The following GALNT9 variants were observed in gnomAD, a reference collection of about 807,000 sequenced individuals.
GALNT9 encodes polypeptide N-acetylgalactosaminyltransferase 9.
A neutral mutation model predicts 63.1 loss-of-function variants in GALNT9; 47 were observed. The observed-to-expected ratio is 0.75, with a 90% CI of 0.59 to 0.95. The LOEUF (loss-of-function observed/expected upper bound fraction) is 0.95, where lower values mean the gene tolerates loss of function less well. Among genes scored for constraint, GALNT9 ranks in the 40% least tolerant of loss-of-function variants. GALNT9 has a pLI of 0.00. For synonymous variants in GALNT9, 396 were observed against 365.7 expected (o/e 1.08, Z -0.94); for missense variants, 829 against 874.8 (o/e 0.95, Z 0.66).
At chr12:132,198,066 G>T (rs1218606651) in intron 9 of GALNT9, 107 bp from the exon 10 acceptor site, 2 of 947,218 alleles carry the variant, frequency 2.1e-6, no homozygotes, top group African/African-American at 3.3e-5. Flanking sequence ...GGCCCTGCGC[G>T]GCTGCCTTGG....
chr12:132,205,208 T>A (rs1342292925), intron 6 of GALNT9, among the ~76,000 whole-genome samples: 3 of 151,932 alleles, frequency 2.0e-5, no homozygotes, highest in Non-Finnish European at 4.4e-5. Flanking sequence ...CCTAGCTGCA[T>A]CCTCCGGGGG....
Position 132,294,783 on chromosome 12 carries a change from A to T in GALNT9, c.239-8353T>A, listed in dbSNP as rs573005507. ...AGTCACGTTCCCTGGAGCGGGAGGG[A>T]TCTGTTAATAGCTCTGAAAAGTGAA... On this transcript the variant is annotated intron_variant, in intron 1 of 10. Coordinates refer to ENST00000328957, the MANE Select transcript of GALNT9 (RefSeq NM_001122636.2). 2.8e-5 allele frequency among the ~76,000 whole-genome samples: 4 copies of T among 141,062 alleles called. No individual in the cohort carries two copies. In the East Asian group the frequency reaches 6.3e-4, roughly 22 times the overall value. 92.5% of individuals were successfully genotyped at this position (141,062 alleles called of 152,430 possible). A position where few individuals can be genotyped will look rare whatever the true frequency, so the allele number is the denominator to read the frequency against.
chr12:132,308,568 G>C (rs1218036888), intron 1 of GALNT9, among the ~76,000 whole-genome samples: 1 of 152,174 alleles, frequency 6.6e-6, no homozygotes, highest in Non-Finnish European at 1.5e-5. Context: ...CGAACGCAGG[G>C]TGGGCCGGGG....
rs758487951 is a variant in GALNT9 at position 132,310,935 on chromosome 12, A to G, written c.238+18031T>C. Among the ~76,000 whole-genome samples the G allele has an allele frequency of 2.0e-5, 3 of 152,162 alleles. No individual in the cohort carries two copies. Among genetic ancestry groups the G allele is most frequent in the Non-Finnish European group, 4.4e-5 (3 of 68,014 alleles). On this transcript the variant is annotated intron_variant, in intron 1 of 10. Transcript: ENST00000328957. This position sits in a 1 kb window ranked among gnomAD's most constrained non-coding sequence, Gnocchi z 4.8. Reference sequence around the variant, plus strand: ...CCCACTCTCCCTGGGCACACGGTTCAGGGCACCCGCTCTCCCTGGGCATGT... The same window carrying G: ...CCCACTCTCCCTGGGCACACGGTTCGGGGCACCCGCTCTCCCTGGGCATGT...
rs185299696 is a variant in GALNT9 at position 132,316,321 on chromosome 12, A to G, written c.238+12645T>C. ...TTCCCCAGCCCGACCCCACGTCCCCATTTCACGATGCATTTTTATGCCCCT... is the reference window on the plus strand; with the variant it reads ...TTCCCCAGCCCGACCCCACGTCCCCGTTTCACGATGCATTTTTATGCCCCT... On this transcript the variant is annotated intron_variant, in intron 1 of 10. Transcript: ENST00000328957. This position sits in a 1 kb window ranked among gnomAD's most constrained non-coding sequence, Gnocchi z 4.3. 6.6e-5 allele frequency among the ~76,000 whole-genome samples: 10 copies of G among 152,106 alleles called. No individual in the cohort carries two copies. The highest frequency in any genetic ancestry group is 2.4e-4 in the African/African-American group (10 of 41,486).
chr12:132,268,841 G>C (rs1194602318), intron 2 of GALNT9, among the ~76,000 whole-genome samples: 4 of 152,218 alleles, frequency 2.6e-5, no homozygotes, highest in Non-Finnish European at 5.9e-5. Context: ...CCGCTGTCTG[G>C]CTACCGGAAA....
At chr12:132,199,407 C>G (rs573876053) in intron 8 of GALNT9, 138 bp from the exon 9 acceptor site, 2 of 629,378 alleles carry the variant, frequency 3.2e-6, no homozygotes, top group Non-Finnish European at 5.6e-6. Context: ...ATGCTCTGGC[C>G]GGGTGGGCTG....
Position 132,203,628 on chromosome 12 carries a change from G to A in GALNT9, c.1140C>T (p.Arg380=). 2 of 1,613,892 alleles carry A rather than the reference G, an allele frequency of 1.2e-6. No individual in the cohort carries two copies. The highest frequency in any genetic ancestry group is 1.7e-6 in the Non-Finnish European group (2 of 1,179,832). The part of the protein sequence containing the change: ...LPCSRVAHIE[R]TRKPYNNDID... ...TGTCGTTGTTGTAGGGCTTCCTGGT[G>A]CGCTCGATGTGGGCCACGCGGGAGC... The change falls in exon 7 of 11, where the codon CGC becomes CGT. Residue 380 remains arginine (R), a synonymous_variant. Transcript: ENST00000328957.
At chr12:132,257,942 A>G (rs1332736485) in intron 4 of GALNT9, 56 bp from the exon 5 acceptor site, 2 of 1,244,914 alleles carry the variant, frequency 1.6e-6, no homozygotes, top group East Asian at 2.5e-5. Context: ...TTCCCTGAGG[A>G]GGGTCCACTC....
intron 1 of GALNT9, among the ~76,000 whole-genome samples, chr12:132,305,814 G>A (rs1555244593): frequency 6.6e-6 from 1 of 152,232 alleles, no homozygotes. Flanking sequence ...CGCGGCCCGA[G>A]TGCAGATGTG....
At chr12:132,263,681 G>A (rs943352899) in intron 2 of GALNT9, among the ~76,000 whole-genome samples, 1 of 152,196 alleles carries the variant, frequency 6.6e-6, no homozygotes, top group African/African-American at 2.4e-5. Context: ...CCCATTGACA[G>A]CTCTATACCA....
rs145377101 is a variant in GALNT9 at position 132,319,463 on chromosome 12, T to C, written c.238+9503A>G. 1.3e-5 allele frequency among the ~76,000 whole-genome samples: 2 copies of C among 152,226 alleles called. No individual in the cohort carries two copies. The highest frequency in any genetic ancestry group is 2.9e-5 in the Non-Finnish European group (2 of 68,000). ...AGCGTGACCCTGGCTCTTAGGTCTC[T>C]GCACTCAGGCCAAAGGACCCCACCC... On this transcript the variant is annotated intron_variant, in intron 1 of 10. Coordinates refer to ENST00000328957, the MANE Select transcript of GALNT9 (RefSeq NM_001122636.2). This position sits in a 1 kb window ranked among gnomAD's most constrained non-coding sequence, Gnocchi z 5.2.
chr12:132,264,741 G>A (rs1879535204), intron 2 of GALNT9, among the ~76,000 whole-genome samples: 1 of 152,230 alleles, frequency 6.6e-6, no homozygotes, highest in Admixed American at 6.5e-5. Flanking sequence ...GAGGAAATAG[G>A]GCACTCAGAT....
At position 132,225,174 on chromosome 12, in the gene GALNT9, A is replaced by T. The variant is rs888383124; in HGVS notation, c.1078-21484T>A. ...TACACACCCTACACACATACCACAC[A>T]ACCCACACACTGTACATACACANCC... On this transcript the variant is annotated intron_variant, in intron 6 of 10. Transcript: ENST00000328957. Among the ~76,000 whole-genome samples the T allele has an allele frequency of 7.6e-5, 11 of 144,064 alleles. 1 individual carries two copies. Among genetic ancestry groups the T allele is most frequent in the Admixed American group, 6.2e-4 (9 of 14,450 alleles). 94.5% of individuals were successfully genotyped at this position (144,064 alleles called of 152,430 possible). A position where few individuals can be genotyped will look rare whatever the true frequency, so the allele number is the denominator to read the frequency against.
At chr12:132,239,675 G>A (rs1878168092) in intron 6 of GALNT9, among the ~76,000 whole-genome samples, 1 of 151,822 alleles carries the variant, frequency 6.6e-6, no homozygotes, top group African/African-American at 2.4e-5. Flanking sequence ...GAGACAGAGA[G>A]ACAAAGAGAC....
chr12:132,240,101 T>C (rs1555236760), intron 6 of GALNT9, among the ~76,000 whole-genome samples: 2 of 152,178 alleles, frequency 1.3e-5, no homozygotes, highest in Non-Finnish European at 2.9e-5. Flanking sequence ...CCTATCAGGA[T>C]GTGTGGTCTT....
intron 1 of GALNT9, among the ~76,000 whole-genome samples, chr12:132,297,528 A>G (rs1881119506): frequency 6.6e-6 from 1 of 151,264 alleles, no homozygotes; most frequent in Non-Finnish European, 1.5e-5. Context: ...CACTCCCACA[A>G]TAACCAATCA....
At chr12:132,268,129 ACT>A (rs1879718898) in intron 2 of GALNT9, among the ~76,000 whole-genome samples, 6 of 134,972 alleles carry the variant, frequency 4.4e-5, no homozygotes, top group South Asian at 2.6e-4. Context: ...CCACACACAC[ACT>A]CACGCTCACA....
At chr12:132,219,502 G>A (rs946941818) in intron 6 of GALNT9, among the ~76,000 whole-genome samples, 5 of 152,230 alleles carry the variant, frequency 3.3e-5, no homozygotes, top group Admixed American at 2.0e-4. Flanking sequence ...GTCCATTGGC[G>A]GGGACAGGTG....
Sources: gnomAD v4.1 joint callset for allele counts (sites outside exome capture counted in the v4.1 genomes callset) on GRCh38, gnomAD v4.1.1 for gene constraint, Gnocchi (gnomAD v3.1) non-coding constraint, MANE v1.5 for transcripts, NCBI Gene and HGNC (gene_info 2026-07-23, HGNC 2026-07-21) for gene names.